Variants in FAXC observed in about 807,000 individuals in gnomAD.
FAXC encodes the protein failed axon connections homolog.
Under a neutral mutation model 41.9 loss-of-function variants are expected in FAXC, and 10 were observed. That is an observed-to-expected ratio of 0.24 (90% confidence interval 0.15 to 0.41). The LOEUF (loss-of-function observed/expected upper bound fraction) is 0.41, where lower values mean the gene tolerates loss of function less well. FAXC is among the 10% of genes least tolerant of loss of function. FAXC has a pLI of 1.00. For synonymous variants in FAXC, 183 were observed against 183.8 expected (o/e 1.00, Z 0.03); for missense variants, 399 against 510.9 (o/e 0.78, Z 2.11).
At chr6:99,321,310 G>C (rs1772579839) in intron 4 of FAXC, among the ~76,000 whole-genome samples, 1 of 152,146 alleles carries the variant, frequency 6.6e-6, no homozygotes, top group South Asian at 2.1e-4. Flanking sequence ...CAAATCTTGA[G>C]CTATTTCAAC....
Position 99,333,559 on chromosome 6 carries a change from A to T in FAXC, c.403-12T>A, listed in dbSNP as rs778992249. 11 of 1,573,360 alleles carry T rather than the reference A, an allele frequency of 7.0e-6. No homozygotes were observed. The highest frequency in any genetic ancestry group is 9.5e-6 in the Non-Finnish European group (11 of 1,163,582). Reference sequence around the variant, plus strand: ...CCACCAAAATAGTTCTAAGCAGAGTACATTTTTAAAAAGAGAAAAGCAATA... The same window carrying T: ...CCACCAAAATAGTTCTAAGCAGAGTTCATTTTTAAAAAGAGAAAAGCAATA... On this transcript the variant is annotated splice_polypyrimidine_tract_variant and intron_variant, in intron 2 of 5. Transcript: ENST00000389677.
At chr6:99,299,286 G>A (rs1771613574) in intron 4 of FAXC, among the ~76,000 whole-genome samples, 2 of 152,188 alleles carry the variant, frequency 1.3e-5, no homozygotes, top group South Asian at 4.2e-4. Context: ...ACTGGTCACT[G>A]TCAGCTCCAC....
intron 4 of FAXC, among the ~76,000 whole-genome samples, chr6:99,295,453 G>A (rs1771447685): frequency 6.6e-6 from 1 of 152,206 alleles, no homozygotes; most frequent in African/African-American, 2.4e-5. Flanking sequence ...TAAGGTGGGT[G>A]GGCCTCATCC....
In FAXC at chr6:99,292,789, T is replaced by A. The variant is rs539365531; in HGVS notation, c.824-969A>T. Among the ~76,000 whole-genome samples the A allele has an allele frequency of 5.3e-5, 8 of 152,294 alleles. No homozygotes were observed. The South Asian group carries it at 1.5e-3, about 28-fold the overall frequency. The stretch of plus-strand genomic sequence containing the variant: ...CTACCTTTCTCCAGTCCTTTCCACA[T>A]CCCACCTGACACTATCAACTTCCTA... On this transcript the variant is annotated intron_variant, in intron 4 of 5. Transcript: ENST00000389677.
chr6:99,315,321 C>A (rs1329159098), intron 4 of FAXC, among the ~76,000 whole-genome samples: 1 of 150,862 alleles, frequency 6.6e-6, no homozygotes, highest in Non-Finnish European at 1.5e-5. Context: ...TCACTACCAC[C>A]ACCATGTTCA....
At chr6:99,334,442 C>A (rs1163357119) in intron 2 of FAXC, among the ~76,000 whole-genome samples, 18 of 152,176 alleles carry the variant, frequency 1.2e-4, no homozygotes, top group Admixed American at 1.2e-3. Flanking sequence ...TTCACCCCCA[C>A]CCTTTGGCCA....
chr6:99,317,441 C>A (rs1045559360), intron 4 of FAXC, among the ~76,000 whole-genome samples: 2 of 152,174 alleles, frequency 1.3e-5, no homozygotes, highest in Non-Finnish European at 2.9e-5. Flanking sequence ...TTTTAACTTG[C>A]CAGTGGAAGT....
At chr6:99,298,769 A>C (rs1771589457) in intron 4 of FAXC, among the ~76,000 whole-genome samples, 1 of 152,222 alleles carries the variant, frequency 6.6e-6, no homozygotes, top group South Asian at 2.1e-4. Context: ...AATAATGTGA[A>C]AGCATTTTGC....
At chr6:99,339,769 C>T (rs760206038) in intron 2 of FAXC, among the ~76,000 whole-genome samples, 3 of 151,510 alleles carry the variant, frequency 2.0e-5, no homozygotes, top group Non-Finnish European at 2.9e-5. Flanking sequence ...GGAATGCTTC[C>T]AGAAAGAAGC....
intron 5 of FAXC, among the ~76,000 whole-genome samples, chr6:99,289,289 G>A (rs1771141852): frequency 6.6e-6 from 1 of 152,088 alleles, no homozygotes; most frequent in South Asian, 2.1e-4. Flanking sequence ...AGAGGCCCTG[G>A]CTGCCACATA....
intron 1 of FAXC, among the ~76,000 whole-genome samples, chr6:99,346,410 C>T (rs1007893422): frequency 2.0e-5 from 3 of 152,186 alleles, no homozygotes; most frequent in South Asian, 2.1e-4. Flanking sequence ...TTTTTTGAGA[C>T]GGAGTCTCGC....
chr6:99,300,022 A>G (rs146862755), intron 4 of FAXC, among the ~76,000 whole-genome samples: 3 of 152,220 alleles, frequency 2.0e-5, no homozygotes, highest in East Asian at 3.9e-4. Context: ...TTAATTTTTA[A>G]TAAGATTTTC....
intron 2 of FAXC, among the ~76,000 whole-genome samples, chr6:99,341,138 G>C (rs1227383262): frequency 2.6e-5 from 4 of 151,948 alleles, no homozygotes; most frequent in Admixed American, 6.6e-5. Context: ...ACACAAATTT[G>C]GGTCTTAAGA....
chr6:99,343,314 T>C (rs947970536), intron 1 of FAXC, among the ~76,000 whole-genome samples: 2 of 152,206 alleles, frequency 1.3e-5, no homozygotes, highest in Non-Finnish European at 2.9e-5. Flanking sequence ...CCTCCTTCTG[T>C]TACCTATGGC....
At chr6:99,343,972 G>A (rs950316228) in intron 1 of FAXC, among the ~76,000 whole-genome samples, 2 of 152,094 alleles carry the variant, frequency 1.3e-5, no homozygotes, top group Non-Finnish European at 2.9e-5. Flanking sequence ...GGGTGAGAAG[G>A]ACTTCCCTGC....
intron 4 of FAXC, among the ~76,000 whole-genome samples, chr6:99,308,354 AC>A (rs764448437): frequency 1.3e-5 from 2 of 152,260 alleles, no homozygotes; most frequent in Non-Finnish European, 1.5e-5. Context: ...AAATCAGTTT[AC>A]AATGAATAAA....
rs773334184 is a variant in FAXC at position 99,349,359 on chromosome 6, A to AC, written c.13dup (p.Val5GlyfsTer85). The AC allele has an allele frequency of 1.9e-6, 3 of 1,611,128 alleles. No homozygotes were observed. In the African/African-American group the frequency reaches 4.0e-5, roughly 22 times the overall value. On this transcript the variant is annotated frameshift_variant, in exon 1 of 6. Transcript: ENST00000389677. LOFTEE classifies it high-confidence loss of function. ...GCACGGCCTGGACGAAGCAAAGCCA[A>AC]CCCCCCAGTGCATGCTGCGCGGCTG...
At position 99,274,821 on chromosome 6, in the gene FAXC, T is replaced by C. The variant is rs1318148324; in HGVS notation, c.*6343A>G. On this transcript the variant is annotated 3_prime_UTR_variant, in exon 6 of 6. Transcript: ENST00000389677. ...GGTTTATATTTTAATAAGCCAAATATAATCTCTTGTAGAAGAGAAGCAAAT... is the reference window on the plus strand; with the variant it reads ...GGTTTATATTTTAATAAGCCAAATACAATCTCTTGTAGAAGAGAAGCAAAT... 1.3e-5 allele frequency: 2 copies of C among 152,212 alleles called. No individual in the cohort carries two copies. The highest frequency in any genetic ancestry group is 2.9e-5 in the Non-Finnish European group (2 of 68,038). 9.4% of individuals were successfully genotyped at this position (152,212 alleles called of 1,614,324 possible).
chr6:99,333,587 G>A, intron 2 of FAXC, 40 bp from the exon 3 acceptor site: 1 of 1,488,710 alleles, frequency 6.7e-7, no homozygotes, highest in Non-Finnish European at 9.1e-7. Context: ...AAGCAATATT[G>A]TATTTAAATT....
Sources: allele counts gnomAD v4.1 joint callset (sites outside exome capture counted in the v4.1 genomes callset), GRCh38; gene constraint gnomAD v4.1.1; transcripts MANE v1.5; gene names NCBI Gene and HGNC (gene_info 2026-07-23, HGNC 2026-07-21).